ST3GAL1: variants seen among roughly 807,000 people sequenced by gnomAD.
ST3GAL1 encodes CMP-N-acetylneuraminate-beta-galactosamide-alpha-2,3-sialyltransferase 1.
A neutral mutation model predicts 34.1 loss-of-function variants in ST3GAL1; 16 were observed. That is an observed-to-expected ratio of 0.47 (90% CI 0.32 to 0.71). The LOEUF (loss-of-function observed/expected upper bound fraction) is 0.71. ST3GAL1 is among the 30% of genes least tolerant of loss of function. ST3GAL1 has a pLI of 0.04. For synonymous variants in ST3GAL1, 191 were observed against 184.7 expected, an observed-to-expected ratio of 1.03 and a Z score of -0.28; for missense variants, 353 against 447.4, an observed-to-expected ratio of 0.79 and a Z score of 1.90.
intron 2 of ST3GAL1, among the ~76,000 whole-genome samples, chr8:133,536,712 T>C (rs1818322224): frequency 6.6e-6 from 1 of 152,172 alleles, no homozygotes; most frequent in African/African-American, 2.4e-5. Flanking sequence ...TGTCAATTAC[T>C]CAGCCTTTAC....
At chr8:133,479,317 T>C (rs1816295286) in intron 3 of ST3GAL1, among the ~76,000 whole-genome samples, 1 of 145,798 alleles carries the variant, frequency 6.9e-6, no homozygotes, top group African/African-American at 2.6e-5. Flanking sequence ...TCAGACACAG[T>C]GTGGAGGAGA....
intron 1 of ST3GAL1, among the ~76,000 whole-genome samples, chr8:133,561,738 G>A (rs768653836): frequency 6.6e-6 from 1 of 152,092 alleles, no homozygotes; most frequent in African/African-American, 2.4e-5. Flanking sequence ...GGAATGAAGC[G>A]AGGTAGCTCT....
At chr8:133,497,851 G>A (rs1318752562) in intron 3 of ST3GAL1, among the ~76,000 whole-genome samples, 1 of 152,122 alleles carries the variant, frequency 6.6e-6, no homozygotes, top group Non-Finnish European at 1.5e-5. Flanking sequence ...AGGGATACTA[G>A]AGGTGAGCAG....
chr8:133,518,250 T>C (rs1330937985), intron 2 of ST3GAL1, among the ~76,000 whole-genome samples: 2 of 152,208 alleles, frequency 1.3e-5, no homozygotes, highest in East Asian at 1.9e-4. Context: ...ACTGTACTGC[T>C]AAGGGAGAGG....
chr8:133,538,931 T>G lies in ST3GAL1; in HGVS notation c.-429+6843A>C, dbSNP rs542534565. On this transcript the variant is annotated intron_variant, in intron 2 of 9. Coordinates refer to ENST00000522652, the MANE Select transcript of ST3GAL1 (RefSeq NM_173344.3). ...TTAGCTGTGTGACTGTTAAGTTACT[T>G]AACCAGTCTGTGCCTGGGTTTCATC... is the stretch of plus-strand genomic sequence containing the variant. 2.0e-4 allele frequency among the ~76,000 whole-genome samples: 30 copies of G among 152,254 alleles called. No individual in the cohort carries two copies. In the South Asian group the frequency reaches 5.8e-3, roughly 29 times the overall value.
At chr8:133,507,765 G>A (rs78406091) in intron 2 of ST3GAL1, among the ~76,000 whole-genome samples, 193 of 152,262 alleles carry the variant, frequency 1.3e-3, no homozygotes, top group African/African-American at 4.4e-3. Context: ...GGTGACCCTC[G>A]GAGCCACTTC....
At chr8:133,464,238 T>C (rs1815637408) in intron 7 of ST3GAL1, among the ~76,000 whole-genome samples, 2 of 152,204 alleles carry the variant, frequency 1.3e-5, no homozygotes, top group South Asian at 4.2e-4. Flanking sequence ...TGAGGATTCA[T>C]TGAGATAATA....
chr8:133,514,567 T>C (rs975734736), intron 2 of ST3GAL1, among the ~76,000 whole-genome samples: 3 of 152,124 alleles, frequency 2.0e-5, no homozygotes, highest in Non-Finnish European at 4.4e-5. Flanking sequence ...CTCCACCGCA[T>C]GCTCTCCTAG....
intron 2 of ST3GAL1, among the ~76,000 whole-genome samples, chr8:133,540,850 TAG>T (rs1276581981): frequency 7.8e-5 from 9 of 115,508 alleles, no homozygotes; most frequent in African/African-American, 2.2e-4. Context: ...GACATATATA[TAG>T]AGACATATAT....
intron 1 of ST3GAL1, among the ~76,000 whole-genome samples, chr8:133,559,057 G>A (rs1203917807): frequency 6.6e-6 from 1 of 151,914 alleles, no homozygotes; most frequent in Admixed American, 6.6e-5. Flanking sequence ...GTGTGTGTGT[G>A]TGTGCATGTG....
intron 1 of ST3GAL1, among the ~76,000 whole-genome samples, chr8:133,554,787 C>T (rs1411772824): frequency 1.4e-5 from 2 of 146,196 alleles, no homozygotes; most frequent in Admixed American, 7.0e-5. Context: ...AGTGCAGTGG[C>T]GCGATCTCGG....
chr8:133,462,034 G>C (rs200212894), intron 8 of ST3GAL1, 40 bp from the exon 9 acceptor site: 791 of 1,612,964 alleles, frequency 4.9e-4, no homozygotes, highest in Non-Finnish European at 6.4e-4. Flanking sequence ...TGAGTTCTGG[G>C]GGGCAAAGGA....
intron 1 of ST3GAL1, among the ~76,000 whole-genome samples, chr8:133,565,105 C>T (rs925575555): frequency 2.0e-5 from 3 of 152,040 alleles, no homozygotes; most frequent in South Asian, 2.1e-4. Flanking sequence ...TACTCCTCCC[C>T]ACCCCCAGCT....
chr8:133,528,869 G>A (rs1305309854), intron 2 of ST3GAL1, among the ~76,000 whole-genome samples: 4 of 152,238 alleles, frequency 2.6e-5, no homozygotes, highest in African/African-American at 7.2e-5. Context: ...AGATGAAAAC[G>A]TGTCACAAGA....
chr8:133,551,304 C>A (rs1337820346), intron 1 of ST3GAL1, among the ~76,000 whole-genome samples: 1 of 152,014 alleles, frequency 6.6e-6, no homozygotes, highest in Non-Finnish European at 1.5e-5. Flanking sequence ...CCCGTCTCTA[C>A]TAAAAATACA....
intron 5 of ST3GAL1, among the ~76,000 whole-genome samples, chr8:133,474,414 A>G (rs150004820): frequency 6.6e-6 from 1 of 152,372 alleles, no homozygotes; most frequent in African/African-American, 2.4e-5. Context: ...TAAATAAGAC[A>G]TGAACACATA....
chr8:133,492,654 G>A (rs561669598), intron 3 of ST3GAL1, among the ~76,000 whole-genome samples: 4 of 152,182 alleles, frequency 2.6e-5, no homozygotes, highest in Non-Finnish European at 5.9e-5. Context: ...CCTGGGAGGT[G>A]GAGGTTGTAG....
chr8:133,492,040 C>T lies in ST3GAL1; in HGVS notation c.-374+7095G>A, dbSNP rs138662581. On this transcript the variant is annotated intron_variant, in intron 3 of 9. Transcript: ENST00000522652. ...AGCATATGGGCAAGGATCGGCACCA[C>T]GGGGTCAGGGCATGCTCAGAGCAGC... Among the ~76,000 whole-genome samples, 396 of 152,230 alleles carry T rather than the reference C, an allele frequency of 2.6e-3. 3 individuals carry two copies. Among genetic ancestry groups the T allele is most frequent in the Non-Finnish European group, 4.6e-3 (311 of 68,010 alleles).
chr8:133,542,934 A>G (rs547778540), intron 2 of ST3GAL1, among the ~76,000 whole-genome samples: 2 of 152,344 alleles, frequency 1.3e-5, no homozygotes, highest in South Asian at 4.1e-4. Context: ...AGAATCATCA[A>G]AAGATGCTAA....
Sources: gnomAD v4.1 joint callset for allele counts (sites outside exome capture counted in the v4.1 genomes callset) on GRCh38, gnomAD v4.1.1 for gene constraint, MANE v1.5 for transcripts, NCBI Gene and HGNC (gene_info 2026-07-23, HGNC 2026-07-21) for gene names.